The following LTBP4 variants were observed in gnomAD, a reference collection of about 807,000 sequenced individuals.
LTBP4 encodes latent-transforming growth factor beta-binding protein 4.
In LTBP4, 93 loss-of-function variants were observed where a neutral mutation model predicts 180.2. The ratio of observed to expected loss-of-function variants is 0.52; its 90% confidence interval spans 0.44 to 0.61. LTBP4 has a LOEUF of 0.61. LTBP4 is among the 20% of genes least tolerant of loss of function. The probability of loss-of-function intolerance (pLI) is 0.00; values close to 1 mark genes in which losing one functional copy is unlikely to be tolerated. For synonymous variants in LTBP4, 947 were observed against 934.5 expected, an observed-to-expected ratio of 1.01 and a Z score of -0.24; for missense variants, 2,116 against 2,256.5, an observed-to-expected ratio of 0.94 and a Z score of 1.26.
Position 40,613,691 on chromosome 19 carries a change from CG to C in LTBP4, c.2557+166del, listed in dbSNP as rs977000921. ...GGAGTCTCGAGGCAGTGAGGGGGGG[CG>C]GGGCGTGGAGATGAAAGGGCCGAGT... On this transcript the variant is annotated intron_variant, in intron 17 of 29. Coordinates refer to ENST00000396819, the MANE Select transcript of LTBP4 (RefSeq NM_001042545.2). The surrounding 1 kb of genome is among the most constrained non-coding windows in gnomAD (Gnocchi z 5.0). 1.1e-5 allele frequency: 14 copies of C among 1,240,380 alleles called. No individual in the cohort carries two copies. The African/African-American group carries it at 2.1e-4, about 19-fold the overall frequency. The allele number at this position is 1,240,380 out of a possible 1,614,324, so 76.8% of individuals were successfully genotyped here. A position where few individuals can be genotyped will look rare whatever the true frequency, so the allele number is the denominator to read the frequency against.
intron 6 of LTBP4, 68 bp from the exon 7 acceptor site, chr19:40,607,286 ATTCCCCTCTCT>A: frequency 3.1e-6 from 1 of 324,262 alleles, no homozygotes; most frequent in Non-Finnish European, 4.1e-6. Flanking sequence ...CCCCAGAACC[ATTCCCCTCTCT>A]CCCAAATCCC....
At chr19:40,593,942 C>T (rs951571027) in intron 1 of LTBP4, among the ~76,000 whole-genome samples, 3 of 152,084 alleles carry the variant, frequency 2.0e-5, no homozygotes, top group East Asian at 1.9e-4. Flanking sequence ...TACAGGCGTG[C>T]GCCACCATGC....
upstream of LTBP4, chr19:40,597,271 C>CTGCTGG: frequency 1.3e-6 from 2 of 1,515,514 alleles, no homozygotes; most frequent in South Asian, 1.2e-5. Context: ...CCGCCCCCTC[C>CTGCTGG]TGCTGGTGCT....
Position 40,625,710 on chromosome 19 carries a change from A to G in LTBP4, c.3833-147A>G, listed in dbSNP as rs2081628750. 1.3e-5 allele frequency: 9 copies of G among 674,780 alleles called. No individual in the cohort carries two copies. The South Asian group carries it at 2.1e-4, about 16-fold the overall frequency. The allele number at this position is 674,780 out of a possible 1,614,324, so 41.8% of individuals were successfully genotyped here. A position where few individuals can be genotyped will look rare whatever the true frequency, so the allele number is the denominator to read the frequency against. On this transcript the variant is annotated intron_variant, in intron 26 of 29. Coordinates refer to ENST00000396819, the MANE Select transcript of LTBP4 (RefSeq NM_001042545.2). The stretch of plus-strand genomic sequence containing the variant: ...CAATCCAGAACCCTGGAGTGACCTC[A>G]GAGAACTTCCAGAGTTAGATCACAG...
chr19:40,600,399 G>T (rs1181389903), upstream of LTBP4, among the ~76,000 whole-genome samples: 1 of 152,222 alleles, frequency 6.6e-6, no homozygotes, highest in Non-Finnish European at 1.5e-5. The surrounding 1 kb of genome is among the most constrained non-coding windows in gnomAD (Gnocchi z 4.4). Context: ...CGGGGGTGGG[G>T]CCGGGAAGCC....
chr19:40,623,081 C>A, intron 24 of LTBP4, 60 bp downstream of exon 24: 1 of 1,371,582 alleles, frequency 7.3e-7, no homozygotes, highest in Non-Finnish European at 9.9e-7. Flanking sequence ...TCGTCTCTTC[C>A]TGTTTTCTTT....
Position 40,601,545 on chromosome 19 carries a change from G to T in LTBP4, c.158G>T (p.Arg53Leu). The change falls in exon 1 of 30, where the codon CGC (arginine) becomes CTC (leucine). Residue 53 changes from arginine to leucine, a missense_variant. By Grantham distance (102) the Arg-to-Leu change is moderately radical. Around this residue, in one of 5 missense-constraint regions of LTBP4, gnomAD observed 469 missense variants for 532.5 expected, o/e 0.88. Transcript: ENST00000396819. ...TGCGTCCATGGGCCGACCGGCTCCC[G>T]CTGTACCCCGACCTGCGCGCCCCGC... ...LRCVHGPTGS[R>L]CTPTCAPRNA... is the part of the protein sequence containing the mutation. 3 of 1,486,510 alleles carry T rather than the reference G, an allele frequency of 2.0e-6. No homozygotes were observed. The South Asian group carries it at 3.8e-5, about 19-fold the overall frequency. 92.1% of individuals were successfully genotyped at this position (1,486,510 alleles called of 1,614,324 possible).
In LTBP4 at chr19:40,610,790, G is replaced by A. The variant is rs1205682091; in HGVS notation, c.1810+133G>A. Reference sequence around the variant, plus strand: ...ACAGAGGCCAGGCTCTCGAGCAGACGTGTGGCCTGATGGCAGTAGAGAGAG... The same window carrying A: ...ACAGAGGCCAGGCTCTCGAGCAGACATGTGGCCTGATGGCAGTAGAGAGAG... On this transcript the variant is annotated intron_variant, in intron 12 of 29. Transcript: ENST00000396819. 7 of 1,343,502 alleles carry A rather than the reference G, an allele frequency of 5.2e-6. No homozygotes were observed. The Admixed American group carries it at 1.4e-4, about 27-fold the overall frequency. The allele number at this position is 1,343,502 out of a possible 1,614,324, so 83.2% of individuals were successfully genotyped here.
Position 40,613,767 on chromosome 19 carries a change from G to T in LTBP4, c.2558-149G>T, listed in dbSNP as rs1313018242. On this transcript the variant is annotated intron_variant, in intron 17 of 29. Coordinates refer to ENST00000396819, the MANE Select transcript of LTBP4 (RefSeq NM_001042545.2). The surrounding 1 kb of genome is among the most constrained non-coding windows in gnomAD (Gnocchi z 5.0). ...AAGAAGCTGTTCTAAACCCGTCGGG[G>T]GGCGGTGTTTGCAGGGAGGGAAGTA... 9.1e-6 allele frequency: 12 copies of T among 1,325,072 alleles called. No individual in the cohort carries two copies. Among genetic ancestry groups the T allele is most frequent in the Non-Finnish European group, 1.3e-5 (12 of 953,674 alleles). 82.1% of individuals were successfully genotyped at this position (1,325,072 alleles called of 1,614,324 possible).
chr19:40,627,870 C>G lies in LTBP4; in HGVS notation c.4519+13C>G, dbSNP rs1453104546. 2.6e-6 allele frequency: 4 copies of G among 1,553,738 alleles called. No individual in the cohort carries two copies. The highest frequency in any genetic ancestry group is 3.5e-6 in the Non-Finnish European group (4 of 1,155,880). ...ATGGCCTGCGTTGGTGAGGGCGGGC[C>G]CGGGGCCAGCATGCGCAGGGAGAGG... On this transcript the variant is annotated intron_variant, in intron 29 of 29. Coordinates refer to ENST00000396819, the MANE Select transcript of LTBP4 (RefSeq NM_001042545.2).
rs779519557 is a variant in LTBP4 at position 40,607,428 on chromosome 19, C to T, written c.1055C>T (p.Ser352Leu). 5 of 1,613,236 alleles carry T rather than the reference C, an allele frequency of 3.1e-6. No homozygotes were observed. In the East Asian group the frequency reaches 6.7e-5, roughly 22 times the overall value. ...CFRVLRDGGCSLPILRNITKQ... is the reference protein window; with the variant it reads ...CFRVLRDGGCLLPILRNITKQ... ...CGCGTGCTCCGCGACGGCGGCTGTT[C>T]GCTGCCCATTCTGCGGAACATCACT... Residue 352 changes from serine to leucine, a missense_variant, in exon 7 of 30, where the codon TCG becomes TTG. Ser to Leu is a moderately radical substitution (Grantham distance 145). Around this residue, in one of 5 missense-constraint regions of LTBP4, gnomAD observed 469 missense variants for 532.5 expected, o/e 0.88. Transcript: ENST00000396819.
intron 1 of LTBP4, among the ~76,000 whole-genome samples, chr19:40,593,809 TTTGAGACAGGG>T (rs974980946): frequency 6.6e-6 from 1 of 152,098 alleles, no homozygotes; most frequent in Admixed American, 6.6e-5. Flanking sequence ...ATTTCTTTTT[TTTGAGACAGGG>T]TCTTTCTCTG....
Position 40,629,215 on chromosome 19 carries a change from A to G in LTBP4, c.4520-181A>G. On this transcript the variant is annotated intron_variant, in intron 29 of 29. Coordinates refer to ENST00000396819, the MANE Select transcript of LTBP4 (RefSeq NM_001042545.2). This position sits in a 1 kb window ranked among gnomAD's most constrained non-coding sequence, Gnocchi z 4.5. The stretch of plus-strand genomic sequence containing the variant: ...CCATATCCATCTTACAGAACACGAA[A>G]CTGAAGCACAGTGAGGTTAAGCCAC... The G allele has an allele frequency of 1.5e-6, 1 of 661,744 alleles. No homozygotes were observed. The highest frequency in any genetic ancestry group is 2.6e-6 in the Non-Finnish European group (1 of 384,964). 41.0% of individuals were successfully genotyped at this position (661,744 alleles called of 1,614,324 possible).
chr19:40,608,671 G>T, intron 9 of LTBP4, 68 bp downstream of exon 9: 1 of 1,524,884 alleles, frequency 6.6e-7, no homozygotes. Context: ...CCAGCATTTT[G>T]GGAGGCTGAG....
chr19:40,610,630 G>C lies in LTBP4; in HGVS notation c.1783G>C (p.Ala595Pro). The change falls in exon 12 of 30, where the codon GCT (alanine) becomes CCT (proline). Residue 595 changes from alanine (A) to proline (P), a missense_variant. Physicochemically the swap from Ala to Pro is conservative, Grantham distance 27. Transcript: ENST00000396819. ...FLCVCPAGYQ[A>P]APHGASCQDV... ...GTGCGTGTGCCCCGCCGGGTACCAGGCTGCACCGCACGGAGCCAGCTGCCA... is the reference window on the plus strand; with the variant it reads ...GTGCGTGTGCCCCGCCGGGTACCAGCCTGCACCGCACGGAGCCAGCTGCCA... 6.3e-7 allele frequency: 1 copy of C among 1,586,930 alleles called. No individual in the cohort carries two copies. Among genetic ancestry groups the C allele is most frequent in the East Asian group, 2.2e-5 (1 of 44,466 alleles).
chr19:40,624,050 G>T lies in LTBP4; in HGVS notation c.3800G>T (p.Arg1267Leu). 1 of 1,585,754 alleles carries T rather than the reference G, an allele frequency of 6.3e-7. No individual in the cohort carries two copies. Among genetic ancestry groups the T allele is most frequent in the Non-Finnish European group, 8.6e-7 (1 of 1,162,420 alleles). The change falls in exon 26 of 30, where the codon CGC becomes CTC. Residue 1267 changes from arginine (R) to leucine (L), a missense_variant. By Grantham distance (102) the Arg-to-Leu change is moderately radical (BLOSUM62 -2). Around this residue, in one of 5 missense-constraint regions of LTBP4, gnomAD observed 488 missense variants for 458.8 expected, o/e 1.06. Coordinates refer to ENST00000396819, the MANE Select transcript of LTBP4 (RefSeq NM_001042545.2). ...CCACTGGTGCTGGATGGCTCGCAGC[G>T]CCGCTGCGTCTCCAACGAGAGCCAG... ...EPPLVLDGSQ[R>L]RCVSNESQSL... is the part of the protein sequence containing the mutation.
Position 40,609,909 on chromosome 19 carries a change from AGGGT to A in LTBP4, c.1684+39_1684+42del. The A allele has an allele frequency of 6.7e-7, 1 of 1,491,792 alleles. No homozygotes were observed. Among genetic ancestry groups the A allele is most frequent in the Non-Finnish European group, 8.9e-7 (1 of 1,119,076 alleles). The allele number at this position is 1,491,792 out of a possible 1,614,324, so 92.4% of individuals were successfully genotyped here. On this transcript the variant is annotated intron_variant, in intron 11 of 29. Coordinates refer to ENST00000396819, the MANE Select transcript of LTBP4 (RefSeq NM_001042545.2). The surrounding 1 kb of genome is among the most constrained non-coding windows in gnomAD (Gnocchi z 4.9). ...CCCCACCCGGCTCCAGGCCCACCCC[AGGGT>A]CTCGCTCCTGCTCTCACTCCAGAGC...
intron 21 of LTBP4, among the ~76,000 whole-genome samples, chr19:40,619,133 G>A (rs952902480): frequency 6.6e-6 from 1 of 152,136 alleles, no homozygotes; most frequent in African/African-American, 2.4e-5. Flanking sequence ...ACCTCTCAGA[G>A]TAGATATAGC....
intron 1 of LTBP4, among the ~76,000 whole-genome samples, chr19:40,594,714 G>A (rs555752127): frequency 5.5e-4 from 83 of 152,286 alleles, no homozygotes; most frequent in African/African-American, 1.9e-3. Flanking sequence ...TGGAGTGTGA[G>A]TGCCGTCGTC....
Sources: allele counts gnomAD v4.1 joint callset (sites outside exome capture counted in the v4.1 genomes callset), GRCh38; gene constraint gnomAD v4.1.1; regional missense constraint gnomAD v4.1.1; non-coding constraint Gnocchi (gnomAD v3.1); transcripts MANE v1.5; gene names NCBI Gene and HGNC (gene_info 2026-07-23, HGNC 2026-07-21).